KANTR: variants seen among roughly 807,000 people sequenced by gnomAD.
KANTR encodes KANTR integral membrane protein.
chrX:53,102,227 G>A (rs1602113217), intron 2 of KANTR, among the ~76,000 whole-genome samples: 1 of 111,392 alleles, frequency 9.0e-6, no homozygotes, highest in East Asian at 2.8e-4. Context: ...ATAAAATGAG[G>A]TATTGCCTGT....
intron 2 of KANTR, among the ~76,000 whole-genome samples, chrX:53,100,627 G>A (rs1270890605): frequency 9.0e-6 from 1 of 110,712 alleles, no homozygotes; most frequent in Admixed American, 9.6e-5. Flanking sequence ...GTGAAACCCC[G>A]TCTCTACTAA....
Position 53,114,480 on chromosome X carries a change from G to C in KANTR, c.-804-8989G>C, listed in dbSNP as rs781918256. ...ACCAGTCAGCCTGTCCAGAGATTCT[G>C]GACTGGCCATCTGGCATGTTCTGTG... On this transcript the variant is annotated intron_variant, in intron 2 of 2. Coordinates refer to ENST00000604062, the Ensembl canonical transcript of KANTR. 2.8e-4 allele frequency among the ~76,000 whole-genome samples: 32 copies of C among 112,825 alleles called. No homozygotes were observed. In the South Asian group the frequency reaches 0.011, roughly 39 times the overall value.
chrX:53,110,682 T>C (rs1933021660), intron 2 of KANTR, among the ~76,000 whole-genome samples: 1 of 111,920 alleles, frequency 8.9e-6, no homozygotes, highest in Non-Finnish European at 1.9e-5. Context: ...CCCAGCACTT[T>C]GGGAGGCCAA....
intron 1 of KANTR, among the ~76,000 whole-genome samples, chrX:53,097,265 G>T (rs1556811009): frequency 9.1e-6 from 1 of 110,338 alleles, no homozygotes; most frequent in East Asian, 2.8e-4. Context: ...ACTGGGTGGT[G>T]AGGGTGAGGG....
At chrX:53,131,967 A>T (rs782710587), downstream of KANTR, among the ~76,000 whole-genome samples, 7 of 112,524 alleles carry the variant, frequency 6.2e-5, no homozygotes, top group Non-Finnish European at 1.1e-4. Context: ...AATTAGTTGT[A>T]TATCTATATA....
chrX:53,122,505 T>C (rs985201011), intron 2 of KANTR, among the ~76,000 whole-genome samples: 1 of 111,644 alleles, frequency 9.0e-6, no homozygotes, highest in Non-Finnish European at 1.9e-5. Flanking sequence ...CTGTGTCTTG[T>C]TGTGTATTTT....
intron 2 of KANTR, among the ~76,000 whole-genome samples, chrX:53,109,563 C>T (rs1436009749): frequency 3.6e-5 from 4 of 112,333 alleles, no homozygotes; most frequent in African/African-American, 6.5e-5. Context: ...GGATTACAGG[C>T]GTGAGCCACT....
chrX:53,111,688 G>A, intron 2 of KANTR, among the ~76,000 whole-genome samples: 1 of 111,553 alleles, frequency 9.0e-6, no homozygotes, highest in Non-Finnish European at 1.9e-5. Context: ...AGGTGTCCAA[G>A]GGAACGAATA....
chrX:53,140,849 CTG>C (rs1373853752), intron 2 of KANTR, among the ~76,000 whole-genome samples: 1 of 111,887 alleles, frequency 8.9e-6, no homozygotes, highest in Non-Finnish European at 1.9e-5. Flanking sequence ...ACATTTGTAA[CTG>C]TGTTTTTCTA....
chrX:53,117,610 T>TGTG (rs782797715), intron 2 of KANTR, among the ~76,000 whole-genome samples: 1,009 of 19,728 alleles, frequency 0.051, 21 homozygotes, highest in African/African-American at 0.094. Flanking sequence ...TGTGTGTGTG[T>TGTG]TTTTTTTTTT....
At chrX:53,117,111 G>A (rs1365629839) in intron 2 of KANTR, among the ~76,000 whole-genome samples, 2 of 110,467 alleles carry the variant, frequency 1.8e-5, no homozygotes, top group Admixed American at 9.7e-5. Flanking sequence ...GTGAAATCCC[G>A]TCTCTACTAA....
chrX:53,127,758 C>T (rs970152434), downstream of KANTR, among the ~76,000 whole-genome samples: 1 of 111,329 alleles, frequency 9.0e-6, no homozygotes, highest in Non-Finnish European at 1.9e-5. Flanking sequence ...TGGTGAAAAA[C>T]AAAACCCCAA....
At chrX:53,128,781 AT>A (rs782269156), downstream of KANTR, among the ~76,000 whole-genome samples, 12 of 108,720 alleles carry the variant, frequency 1.1e-4, no homozygotes, top group Non-Finnish European at 2.3e-4. Context: ...CTCTCCAAAG[AT>A]TTTTTTTTAG....
downstream of KANTR, among the ~76,000 whole-genome samples, chrX:53,132,412 A>G (rs1556817133): frequency 8.9e-6 from 1 of 112,069 alleles, no homozygotes; most frequent in African/African-American, 3.2e-5. Context: ...GAATATGAAC[A>G]AGCAATTTCC....
At chrX:53,115,232 G>T (rs1933104875) in intron 2 of KANTR, among the ~76,000 whole-genome samples, 1 of 112,649 alleles carries the variant, frequency 8.9e-6, no homozygotes, top group Non-Finnish European at 1.9e-5. Flanking sequence ...CCTAAGGTGG[G>T]CCTGGAGCCT....
chrX:53,109,312 C>T (rs1384568715), intron 2 of KANTR, among the ~76,000 whole-genome samples: 1 of 111,871 alleles, frequency 8.9e-6, no homozygotes, highest in Non-Finnish European at 1.9e-5. Context: ...GATGGAGTTT[C>T]GCTCTTGTTG....
downstream of KANTR, among the ~76,000 whole-genome samples, chrX:53,129,794 T>G (rs1392522457): frequency 9.0e-6 from 1 of 110,905 alleles, no homozygotes; most frequent in Non-Finnish European, 1.9e-5. Flanking sequence ...GTTTTCTTCT[T>G]GTCGCTCTGA....
At chrX:53,129,661 CT>C (rs1265802338), downstream of KANTR, among the ~76,000 whole-genome samples, 1 of 109,551 alleles carries the variant, frequency 9.1e-6, no homozygotes, top group Non-Finnish European at 1.9e-5. Flanking sequence ...CGTAGGTGTT[CT>C]TTTTCTCTGG....
At chrX:53,145,463 C>T (rs782158478), downstream of KANTR, among the ~76,000 whole-genome samples, 4 of 112,107 alleles carry the variant, frequency 3.6e-5, no homozygotes, top group East Asian at 2.8e-4. Context: ...GGGAGGGGCA[C>T]CCGCCATTGC....
Sources: gnomAD v4.1 joint callset for allele counts (sites outside exome capture counted in the v4.1 genomes callset) on GRCh38, gnomAD v4.1.1 for gene constraint, MANE v1.5 for transcripts, NCBI Gene and HGNC (gene_info 2026-07-23, HGNC 2026-07-21) for gene names.